The following NIT2 variants were observed in gnomAD, a reference collection of about 807,000 sequenced individuals.
The protein encoded by NIT2 is nitrilase family member 2.
NIT2 carries 46 observed loss-of-function variants against 42.7 expected under a neutral mutation model. That is an observed-to-expected ratio of 1.08 (90% CI 0.85 to 1.38). NIT2 has a LOEUF of 1.38. Ranked by LOEUF, NIT2 falls within the 40% of genes most tolerant of loss-of-function variation. NIT2 has a pLI of 0.00. For synonymous variants in NIT2, 123 were observed against 121.9 expected (o/e 1.01, Z -0.06); for missense variants, 309 against 342.5 (o/e 0.90, Z 0.77).
chr3:100,337,677 C>T (rs1559822453), intron 1 of NIT2, among the ~76,000 whole-genome samples: 3 of 152,164 alleles, frequency 2.0e-5, no homozygotes, highest in Admixed American at 1.3e-4. Flanking sequence ...TGGTCTGAAA[C>T]TCCTGACCTC....
At chr3:100,339,051 C>T (rs769271871) in intron 1 of NIT2, 36 bp from the exon 2 acceptor site, 2 of 1,428,118 alleles carry the variant, frequency 1.4e-6, no homozygotes, top group East Asian at 2.3e-5. Context: ...GCAGTTCGAT[C>T]TTCTGATAGC....
In NIT2 at chr3:100,348,859, T is replaced by C; in HGVS notation, c.562T>C (p.Trp188Arg). The C allele has an allele frequency of 6.2e-7, 1 of 1,613,942 alleles. No individual in the cohort carries two copies. Among genetic ancestry groups the C allele is most frequent in the Non-Finnish European group, 8.5e-7 (1 of 1,179,890 alleles). ...TAATCTGACCACTGGACCAGCCCAT[T>C]GGGAGTTACTTCAGCGAAGCCGGTA... ...AFNLTTGPAH[W>R]ELLQRSRAVD... The change falls in exon 7 of 10, where the codon TGG becomes CGG. Residue 188 changes from tryptophan to arginine, a missense_variant. Coordinates refer to ENST00000394140, the MANE Select transcript of NIT2 (RefSeq NM_020202.5).
chr3:100,354,948 C>T (rs1706311564), intron 9 of NIT2, 121 bp downstream of exon 9: 3 of 869,100 alleles, frequency 3.5e-6, no homozygotes, highest in Non-Finnish European at 5.5e-6. Context: ...TCATTGATCT[C>T]TGGGGATATT....
At chr3:100,336,394 GAAAA>G (rs1306387587) in intron 1 of NIT2, among the ~76,000 whole-genome samples, 1 of 152,118 alleles carries the variant, frequency 6.6e-6, no homozygotes, top group Non-Finnish European at 1.5e-5. Context: ...ACTTGGAAAA[GAAAA>G]AGACACAAAC....
rs2148886630 is a variant in NIT2 at position 100,361,100 on chromosome 3, C to T, written c.*5832C>T. On this transcript the variant is annotated 3_prime_UTR_variant, in exon 10 of 10. Coordinates refer to ENST00000394140, the MANE Select transcript of NIT2 (RefSeq NM_020202.5). ...GAGTCTCATGTCTTCTGCCAGCATTCAGAAAACTAGTTTTCAAGAAGGGTA... is the reference window on the plus strand; with the variant it reads ...GAGTCTCATGTCTTCTGCCAGCATTTAGAAAACTAGTTTTCAAGAAGGGTA... 6.5e-6 allele frequency: 1 copy of T among 153,068 alleles called. No individual in the cohort carries two copies. Among genetic ancestry groups the T allele is most frequent in the South Asian group, 2.1e-4 (1 of 4,830 alleles). The allele number at this position is 153,068 out of a possible 1,614,324, so 9.5% of individuals were successfully genotyped here.
intron 4 of NIT2, among the ~76,000 whole-genome samples, chr3:100,343,084 A>G (rs567229896): frequency 6.6e-6 from 1 of 150,702 alleles, no homozygotes; most frequent in Admixed American, 6.6e-5. Context: ...AGAAGTGAGT[A>G]GTAATTTGTA....
chr3:100,336,331 G>A (rs1024238958), intron 1 of NIT2, among the ~76,000 whole-genome samples: 2 of 152,174 alleles, frequency 1.3e-5, no homozygotes, highest in African/African-American at 4.8e-5. Context: ...CTAATTGAAG[G>A]GGTGGGTTGC....
At chr3:100,354,707 A>T in intron 8 of NIT2, 65 bp from the exon 9 acceptor site, 1 of 1,346,664 alleles carries the variant, frequency 7.4e-7, no homozygotes, top group African/African-American at 1.5e-5. Flanking sequence ...GGGAGGAAAA[A>T]ACAGAGACCT....
At chr3:100,355,048 A>G (rs533588059) in intron 9 of NIT2, 129 bp from the exon 10 acceptor site, 1 of 737,682 alleles carries the variant, frequency 1.4e-6, no homozygotes, top group East Asian at 2.7e-5. Flanking sequence ...CCATCTGTGC[A>G]CCTAGATAAG....
Position 100,352,329 on chromosome 3 carries a change from G to C in NIT2, c.585-75G>C. 4 of 1,103,930 alleles carry C rather than the reference G, an allele frequency of 3.6e-6. No homozygotes were observed. The South Asian group carries it at 5.3e-5, about 15-fold the overall frequency. 68.4% of individuals were successfully genotyped at this position (1,103,930 alleles called of 1,614,324 possible). ...GAACTATCCTATTTTTTAAAAGAAG[G>C]ATCTATCTACTTGGGTTAGAAAAAT... On this transcript the variant is annotated intron_variant, in intron 7 of 9. Transcript: ENST00000394140.
rs1409146384 is a variant in NIT2 at position 100,339,795 on chromosome 3, C to T, written c.127-20C>T. 1.3e-6 allele frequency: 2 copies of T among 1,587,392 alleles called. No homozygotes were observed. Among genetic ancestry groups the T allele is most frequent in the East Asian group, 2.3e-5 (1 of 44,444 alleles). ...GGTGGGTGTTTTGATCTTTTTTTTT[C>T]TCTGCCAATATTTTTCTAGGAATGC... On this transcript the variant is annotated intron_variant, in intron 2 of 9. Coordinates refer to ENST00000394140, the MANE Select transcript of NIT2 (RefSeq NM_020202.5).
intron 8 of NIT2, 64 bp from the exon 9 acceptor site, chr3:100,354,708 A>C (rs1576204446): frequency 7.4e-7 from 1 of 1,348,948 alleles, no homozygotes; most frequent in Admixed American, 2.0e-5. Context: ...GGAGGAAAAA[A>C]CAGAGACCTT....
chr3:100,350,857 T>G (rs1706265622), intron 7 of NIT2, among the ~76,000 whole-genome samples: 1 of 149,326 alleles, frequency 6.7e-6, no homozygotes, highest in Non-Finnish European at 1.5e-5. Flanking sequence ...CTCTCCCCCC[T>G]GCCCCCACCC....
In NIT2 at chr3:100,355,168, T is replaced by G; in HGVS notation, c.740-9T>G. The G allele has an allele frequency of 1.2e-6, 2 of 1,612,458 alleles. No individual in the cohort carries two copies. Among genetic ancestry groups the G allele is most frequent in the Non-Finnish European group, 1.7e-6 (2 of 1,178,828 alleles). On this transcript the variant is annotated splice_polypyrimidine_tract_variant and intron_variant, in intron 9 of 9. Transcript: ENST00000394140. ...AATTATTAATAGTGCACTTTCCTGTTTTTTGCAGACCTGAAGAAGCTGGCT... is the reference window on the plus strand; with the variant it reads ...AATTATTAATAGTGCACTTTCCTGTGTTTTGCAGACCTGAAGAAGCTGGCT...
chr3:100,348,807 C>T lies in NIT2; in HGVS notation c.510C>T (p.Cys170=). The change falls in exon 7 of 10, where the codon TGC becomes TGT. Residue 170 remains cysteine (C), a synonymous_variant. Coordinates refer to ENST00000394140, the MANE Select transcript of NIT2 (RefSeq NM_020202.5). The part of the protein sequence containing the change: ...ELAQIYAQRG[C]QLLVYPGAFN... ...TTTGGCTTTTCTCTCCCCAAGGCTG[C>T]CAGCTGTTGGTATATCCAGGAGCTT... 1 of 1,613,888 alleles carries T rather than the reference C, an allele frequency of 6.2e-7. No homozygotes were observed. Among genetic ancestry groups the T allele is most frequent in the South Asian group, 1.1e-5 (1 of 91,064 alleles).
chr3:100,334,965 C>A, intron 1 of NIT2, 167 bp downstream of exon 1: 2 of 635,860 alleles, frequency 3.1e-6, no homozygotes, highest in Non-Finnish European at 4.7e-6. Flanking sequence ...CGTGGCCGGG[C>A]GGCCGGGCGC....
intron 6 of NIT2, among the ~76,000 whole-genome samples, chr3:100,347,135 G>A (rs909031561): frequency 2.0e-5 from 3 of 151,904 alleles, no homozygotes; most frequent in East Asian, 3.9e-4. Context: ...AGCTCTTGTC[G>A]CCCAGGCTGG....
chr3:100,355,214 C>T lies in NIT2; in HGVS notation c.777C>T (p.Pro259=), dbSNP rs769700770. 1.4e-5 allele frequency: 23 copies of T among 1,614,038 alleles called. No homozygotes were observed. Among genetic ancestry groups the T allele is most frequent in the South Asian group, 1.2e-4 (11 of 91,074 alleles). Reference sequence around the variant, plus strand: ...TGGCTGAAATACGCCAGCAAATCCCCGTTTTTAGACAGAAGCGATCAGACC... The same window carrying T: ...TGGCTGAAATACGCCAGCAAATCCCTGTTTTTAGACAGAAGCGATCAGACC... ...KKLAEIRQQI[P]VFRQKRSDLY... Residue 259 remains proline, a synonymous_variant, in exon 10 of 10, where the codon CCC becomes CCT. Transcript: ENST00000394140.
chr3:100,339,311 T>C, intron 2 of NIT2, 106 bp downstream of exon 2: 2 of 771,870 alleles, frequency 2.6e-6, no homozygotes, highest in Non-Finnish European at 4.6e-6. Context: ...GCAGTGTCCC[T>C]TGGAGCCCAT....
Sources: allele counts gnomAD v4.1 joint callset (sites outside exome capture counted in the v4.1 genomes callset), GRCh38; gene constraint gnomAD v4.1.1; transcripts MANE v1.5; gene names NCBI Gene and HGNC (gene_info 2026-07-23, HGNC 2026-07-21).